Variants in NRG1 observed in about 807,000 individuals in gnomAD.
NRG1 encodes the protein pro-neuregulin-1, membrane-bound isoform.
In NRG1, 18 loss-of-function variants were observed where a neutral mutation model predicts 63.8. That is an observed-to-expected ratio of 0.28 (90% CI 0.19 to 0.42). The LOEUF is 0.42. NRG1 is among the 10% of genes least tolerant of loss of function. The pLI is 1.00. For missense variants in NRG1, 762 were observed against 814.7 expected, an observed-to-expected ratio of 0.94 and a Z score of 0.79; for synonymous variants, 302 against 301.3, an observed-to-expected ratio of 1.00 and a Z score of -0.02.
intron 1 of NRG1, among the ~76,000 whole-genome samples, chr8:32,437,831 T>C (rs1818979515): frequency 6.6e-6 from 1 of 152,188 alleles, no homozygotes; most frequent in South Asian, 2.1e-4. Context: ...ACTGGTGAGC[T>C]ACATTCCACC....
chr8:32,035,337 G>A (rs2130551703), intron 1 of NRG1, among the ~76,000 whole-genome samples: 1 of 152,214 alleles, frequency 6.6e-6, no homozygotes, highest in Non-Finnish European at 1.5e-5. Context: ...TTTTGCATTT[G>A]CTGAGGAGTG....
intron 1 of NRG1, among the ~76,000 whole-genome samples, chr8:32,079,820 T>C (rs1008293626): frequency 1.3e-5 from 2 of 152,154 alleles, no homozygotes; most frequent in Admixed American, 6.6e-5. Flanking sequence ...AAATGCCACA[T>C]GTGGAAATAA....
intron 1 of NRG1, among the ~76,000 whole-genome samples, chr8:31,823,951 A>G (rs1824253223): frequency 6.6e-6 from 1 of 152,198 alleles, no homozygotes; most frequent in Non-Finnish European, 1.5e-5. Context: ...GGTTCTTATA[A>G]GAATCCATTC....
At chr8:32,515,825 C>T (rs1464478558) in intron 1 of NRG1, among the ~76,000 whole-genome samples, 1 of 152,148 alleles carries the variant, frequency 6.6e-6, no homozygotes, top group Non-Finnish European at 1.5e-5. Context: ...CCTTTGCCCA[C>T]TGCTTAGTTT....
chr8:31,992,459 A>G (rs536562090), intron 1 of NRG1, among the ~76,000 whole-genome samples: 1 of 152,066 alleles, frequency 6.6e-6, no homozygotes, highest in East Asian at 2.0e-4. Context: ...AATTGACAAG[A>G]ACAGCTTTTG....
chr8:32,511,124 G>C (rs1361891218), intron 1 of NRG1, among the ~76,000 whole-genome samples: 2 of 150,890 alleles, frequency 1.3e-5, no homozygotes, highest in Non-Finnish European at 3.0e-5. Flanking sequence ...TATTTTAATA[G>C]TGGACTGATC....
intron 1 of NRG1, among the ~76,000 whole-genome samples, chr8:31,849,118 T>TCTATATGCC (rs1182350948): frequency 1.3e-5 from 2 of 152,172 alleles, no homozygotes; most frequent in African/African-American, 4.8e-5. Flanking sequence ...CCAGTGATAA[T>TCTATATGCC]CTATATGCCC....
chr8:32,178,920 A>G lies in NRG1; in HGVS notation c.38-416908A>G, dbSNP rs982655279. Among the ~76,000 whole-genome samples the G allele has an allele frequency of 5.3e-5, 8 of 152,256 alleles. No individual in the cohort carries two copies. In the East Asian group the frequency reaches 1.5e-3, roughly 29 times the overall value. ...AAAAATCACCGTTGTAGAAAATGAT[A>G]GAAACTGATGGACATAAGAAAGCAA... On this transcript the variant is annotated intron_variant, in intron 1 of 10. Transcript: ENST00000519301.
At chr8:32,006,812 C>A (rs1813855276) in intron 1 of NRG1, among the ~76,000 whole-genome samples, 1 of 152,042 alleles carries the variant, frequency 6.6e-6, no homozygotes, top group Non-Finnish European at 1.5e-5. Flanking sequence ...TAAGCCATCA[C>A]CTTGACTTTG....
At chr8:32,173,269 C>A (rs961692022) in intron 1 of NRG1, among the ~76,000 whole-genome samples, 11 of 151,946 alleles carry the variant, frequency 7.2e-5, no homozygotes, top group Non-Finnish European at 1.5e-4. Context: ...GAAATAAAAT[C>A]CTTTACAGAC....
At chr8:32,599,299 G>A (rs766907569) in intron 2 of NRG1, among the ~76,000 whole-genome samples, 1 of 152,072 alleles carries the variant, frequency 6.6e-6, no homozygotes, top group Non-Finnish European at 1.5e-5. Flanking sequence ...AGTTTGAGGT[G>A]TAAGATTTTT....
chr8:32,113,099 A>G (rs1832248392), intron 1 of NRG1, among the ~76,000 whole-genome samples: 1 of 152,270 alleles, frequency 6.6e-6, no homozygotes, highest in Non-Finnish European at 1.5e-5. Context: ...GCCACATACC[A>G]CGAAGTTGAC....
intron 1 of NRG1, among the ~76,000 whole-genome samples, chr8:32,244,608 A>G (rs1848434378): frequency 6.6e-6 from 1 of 152,206 alleles, no homozygotes; most frequent in Non-Finnish European, 1.5e-5. Flanking sequence ...CTAGAAGCAT[A>G]GGGATTAGGT....
chr8:32,631,082 A>G (rs1383287071), intron 5 of NRG1, among the ~76,000 whole-genome samples: 2 of 152,200 alleles, frequency 1.3e-5, no homozygotes, highest in African/African-American at 4.8e-5. Flanking sequence ...ATTATATCTG[A>G]ACTTGAAATC....
chr8:32,058,766 A>G (rs1409082625), intron 1 of NRG1, among the ~76,000 whole-genome samples: 2 of 151,988 alleles, frequency 1.3e-5, no homozygotes, highest in African/African-American at 4.8e-5. Flanking sequence ...AGCTTTAAGT[A>G]AAACACGTAA....
intron 3 of NRG1, among the ~76,000 whole-genome samples, chr8:32,608,351 A>T (rs531830888): frequency 3.2e-4 from 48 of 151,336 alleles, no homozygotes; most frequent in Admixed American, 8.6e-4. Flanking sequence ...AAAAAAAAAA[A>T]TTTTGTTTGA....
intron 1 of NRG1, among the ~76,000 whole-genome samples, chr8:32,229,658 A>C (rs1189324766): frequency 6.6e-6 from 1 of 152,154 alleles, no homozygotes; most frequent in African/African-American, 2.4e-5. Context: ...AAACAGAGTC[A>C]ATGCGGAAAA....
intron 1 of NRG1, among the ~76,000 whole-genome samples, chr8:32,507,620 C>A (rs567773725): frequency 6.6e-6 from 1 of 152,266 alleles, no homozygotes; most frequent in African/African-American, 2.4e-5. Context: ...TAAAGAGTAA[C>A]ATGAGGTGCC....
At chr8:32,669,484 T>G (rs2128891393) in intron 5 of NRG1, among the ~76,000 whole-genome samples, 1 of 152,294 alleles carries the variant, frequency 6.6e-6, no homozygotes, top group Admixed American at 6.5e-5. Context: ...GAAAGCTACA[T>G]GTACTTTGAA....
Sources: allele counts gnomAD v4.1 joint callset (sites outside exome capture counted in the v4.1 genomes callset), GRCh38; gene constraint gnomAD v4.1.1; transcripts MANE v1.5; gene names NCBI Gene and HGNC (gene_info 2026-07-23, HGNC 2026-07-21).